The following AKNAD1 variants were observed in gnomAD, a reference collection of about 807,000 sequenced individuals.
AKNAD1 encodes protein AKNAD1.
A neutral mutation model predicts 90.8 loss-of-function variants in AKNAD1; 67 were observed. That is an observed-to-expected ratio of 0.74 (90% confidence interval 0.61 to 0.90). AKNAD1 has a LOEUF of 0.90. AKNAD1 is among the 40% of genes least tolerant of loss of function. The probability of loss-of-function intolerance (pLI) is 0.00; values close to 1 mark genes in which losing one functional copy is unlikely to be tolerated. For synonymous variants in AKNAD1, 327 were observed against 341.4 expected (o/e 0.96, Z 0.46); for missense variants, 957 against 975.4 (o/e 0.98, Z 0.25).
intron 6 of AKNAD1, among the ~76,000 whole-genome samples, chr1:108,840,021 G>GAAA (rs5776954): frequency 6.9e-6 from 1 of 145,704 alleles, no homozygotes. Context: ...GACTTTGTCT[G>GAAA]AAAAAAAAAA....
rs1415768775 is a variant in AKNAD1, at chr1:108,830,545, C to A, written c.1838+14G>T. The stretch of plus-strand genomic sequence containing the variant: ...CCAATCCACCCTGGGAATGTAGCCA[C>A]AAGAAGCCCTCACCATTCAAGGAGC... On this transcript the variant is annotated intron_variant, in intron 10 of 15. Coordinates refer to ENST00000370001, the MANE Select transcript of AKNAD1 (RefSeq NM_152763.5). The A allele has an allele frequency of 6.2e-7, 1 of 1,613,464 alleles. No individual in the cohort carries two copies. The highest frequency in any genetic ancestry group is 1.7e-5 in the Admixed American group (1 of 60,028).
At chr1:108,831,862 G>C (rs917979092) in intron 9 of AKNAD1, among the ~76,000 whole-genome samples, 22 of 152,136 alleles carry the variant, frequency 1.4e-4, no homozygotes, top group African/African-American at 5.3e-4. Flanking sequence ...CTGACCTCAT[G>C]ATTCGCCCAC....
At chr1:108,839,167 A>G (rs1266461458) in intron 6 of AKNAD1, among the ~76,000 whole-genome samples, 5 of 152,194 alleles carry the variant, frequency 3.3e-5, no homozygotes, top group Admixed American at 2.6e-4. Flanking sequence ...GATAAGTCCT[A>G]TATTATTAGA....
intron 6 of AKNAD1, among the ~76,000 whole-genome samples, chr1:108,840,557 A>G (rs935469690): frequency 2.0e-5 from 3 of 152,210 alleles, no homozygotes; most frequent in Non-Finnish European, 4.4e-5. Flanking sequence ...AGTGTATAAG[A>G]ATAGCTATAA....
chr1:108,852,894 C>T, intron 1 of AKNAD1, 127 bp from the exon 2 acceptor site: 4 of 360,576 alleles, frequency 1.1e-5, no homozygotes, highest in South Asian at 1.4e-4. Flanking sequence ...GGAAGCTCAA[C>T]CACAAGCTGA....
At chr1:108,820,805 T>G (rs907237264) in intron 13 of AKNAD1, among the ~76,000 whole-genome samples, 179 bp from the exon 14 acceptor site, 3 of 152,218 alleles carry the variant, frequency 2.0e-5, no homozygotes, top group Non-Finnish European at 4.4e-5. Flanking sequence ...CTCACGCCTG[T>G]AATCCCAGCA....
chr1:108,843,333 A>C, intron 5 of AKNAD1, 66 bp from the exon 6 acceptor site: 1 of 1,587,982 alleles, frequency 6.3e-7, no homozygotes, highest in South Asian at 1.1e-5. Context: ...TTTCCCAAAA[A>C]CACAAAGCAG....
In AKNAD1 at chr1:108,848,787, G is replaced by C; in HGVS notation, c.1210C>G (p.Gln404Glu). ...KVQEFSKRIK[Q>E]DSPYHLQDKK... The stretch of plus-strand genomic sequence containing the variant: ...TCTTGCAAATGGTAAGGAGAGTCCT[G>C]TTTTATTCTTTTGGAAAATTCTTGT... Residue 404 changes from glutamine (Q) to glutamate (E), a missense_variant, in exon 5 of 16, where the codon CAG becomes GAG. Gln to Glu is a conservative substitution (Grantham distance 29, BLOSUM62 2). Coordinates refer to ENST00000370001, the MANE Select transcript of AKNAD1 (RefSeq NM_152763.5). 1.9e-6 allele frequency: 3 copies of C among 1,610,450 alleles called. No homozygotes were observed. Among genetic ancestry groups the C allele is most frequent in the Non-Finnish European group, 2.5e-6 (3 of 1,179,216 alleles).
intron 5 of AKNAD1, among the ~76,000 whole-genome samples, chr1:108,843,817 C>T (rs1409039337): frequency 6.6e-6 from 1 of 152,136 alleles, no homozygotes; most frequent in Non-Finnish European, 1.5e-5. Flanking sequence ...GAAGATTTAG[C>T]CAAAGCTGTG....
At chr1:108,845,629 C>G (rs536473438) in intron 5 of AKNAD1, among the ~76,000 whole-genome samples, 1 of 152,298 alleles carries the variant, frequency 6.6e-6, no homozygotes, top group African/African-American at 2.4e-5. Flanking sequence ...ACCATCTGGT[C>G]CCTGCCAGAA....
chr1:108,821,718 A>G (rs1377080197), intron 13 of AKNAD1, among the ~76,000 whole-genome samples: 1 of 152,230 alleles, frequency 6.6e-6, no homozygotes, highest in African/African-American at 2.4e-5. Flanking sequence ...GTCTAAACAC[A>G]GAAGGAAAAT....
Position 108,852,395 on chromosome 1 carries a change from T to C in AKNAD1, c.270A>G (p.Gln90=). Residue 90 remains glutamine, a synonymous_variant, in exon 2 of 16, where the codon CAA becomes CAG. Coordinates refer to ENST00000370001, the MANE Select transcript of AKNAD1 (RefSeq NM_152763.5). The part of the protein sequence containing the change: ...AANKKDEKEK[Q]CTAALHIPAN... ...CTGGAATATGAAGAGCTGCAGTGCA[T>C]TGTTTCTCTTTCTCGTCTTTTTTGT... The C allele has an allele frequency of 6.8e-6, 11 of 1,613,986 alleles. No homozygotes were observed. Among genetic ancestry groups the C allele is most frequent in the Non-Finnish European group, 9.3e-6 (11 of 1,179,974 alleles).
chr1:108,850,873 T>C (rs984563184), intron 2 of AKNAD1, among the ~76,000 whole-genome samples: 1 of 151,968 alleles, frequency 6.6e-6, no homozygotes, highest in Non-Finnish European at 1.5e-5. Context: ...CCTCAGCATG[T>C]TGAGAAGTTG....
At chr1:108,841,649 C>T (rs1421714946) in intron 6 of AKNAD1, among the ~76,000 whole-genome samples, 6 of 152,124 alleles carry the variant, frequency 3.9e-5, no homozygotes, top group Non-Finnish European at 8.8e-5. Flanking sequence ...CTTGCCCCTC[C>T]AGAAAGCCCT....
chr1:108,818,700 C>T (rs1263947551), intron 14 of AKNAD1, among the ~76,000 whole-genome samples: 3 of 152,012 alleles, frequency 2.0e-5, no homozygotes, highest in South Asian at 2.1e-4. Context: ...TGGTGGCTCA[C>T]GCCTGTAATC....
intron 5 of AKNAD1, among the ~76,000 whole-genome samples, chr1:108,847,554 C>T (rs1281332011): frequency 2.0e-5 from 3 of 152,092 alleles, no homozygotes; most frequent in Non-Finnish European, 4.4e-5. Context: ...CCCCTGTCTC[C>T]TCCCCCACCC....
intron 7 of AKNAD1, among the ~76,000 whole-genome samples, chr1:108,835,839 T>C (rs1008835649): frequency 6.6e-6 from 1 of 152,100 alleles, no homozygotes; most frequent in Admixed American, 6.5e-5. Context: ...TTGGCCAGGC[T>C]GGTCTCGAAC....
At chr1:108,851,248 T>G (rs1462152085) in intron 2 of AKNAD1, among the ~76,000 whole-genome samples, 1 of 152,062 alleles carries the variant, frequency 6.6e-6, no homozygotes, top group Non-Finnish European at 1.5e-5. Context: ...CCTGAAAAGT[T>G]ATGTGGCCCA....
intron 6 of AKNAD1, among the ~76,000 whole-genome samples, chr1:108,842,097 C>T (rs1182925111): frequency 1.3e-5 from 2 of 152,040 alleles, no homozygotes; most frequent in East Asian, 1.9e-4. Context: ...TTCTTCCTCT[C>T]CCCCCAAAAA....
Sources: allele counts gnomAD v4.1 joint callset (sites outside exome capture counted in the v4.1 genomes callset), GRCh38; gene constraint gnomAD v4.1.1; transcripts MANE v1.5; gene names NCBI Gene and HGNC (gene_info 2026-07-23, HGNC 2026-07-21).